SCARA5: variants seen among roughly 807,000 people sequenced by gnomAD.
SCARA5 encodes the protein scavenger receptor class A member 5.
Under a neutral mutation model 46.3 loss-of-function variants are expected in SCARA5, and 45 were observed. The ratio of observed to expected loss-of-function variants is 0.97; its 90% CI spans 0.76 to 1.24. SCARA5 has a LOEUF of 1.24. SCARA5 is among the 50% of genes most tolerant of loss of function. SCARA5 has a pLI of 0.00. For synonymous variants in SCARA5, 333 were observed against 306.5 expected, an observed-to-expected ratio of 1.09 and a Z score of -0.90; for missense variants, 680 against 689.0, an observed-to-expected ratio of 0.99 and a Z score of 0.15.
chr8:27,951,286 C>T (rs555493313), intron 3 of SCARA5, among the ~76,000 whole-genome samples: 11 of 152,346 alleles, frequency 7.2e-5, no homozygotes, highest in African/African-American at 2.6e-4. Flanking sequence ...AAGAGCTGTG[C>T]TGAGTGGAGC....
At chr8:27,926,903 T>C (rs938586457) in intron 3 of SCARA5, among the ~76,000 whole-genome samples, 2 of 152,204 alleles carry the variant, frequency 1.3e-5, no homozygotes, top group African/African-American at 2.4e-5. Flanking sequence ...TCTCTTCTCA[T>C]GATGTCCCTG....
chr8:27,898,203 C>G (rs919540976), intron 7 of SCARA5, among the ~76,000 whole-genome samples: 1 of 152,176 alleles, frequency 6.6e-6, no homozygotes, highest in Non-Finnish European at 1.5e-5. Context: ...GCCATCAAAC[C>G]ACTCACAGCA....
chr8:27,932,308 G>A (rs139443271), intron 3 of SCARA5, among the ~76,000 whole-genome samples: 1 of 152,258 alleles, frequency 6.6e-6, no homozygotes, highest in Non-Finnish European at 1.5e-5. Context: ...GCTGTGCATG[G>A]AGCCCTGCAA....
chr8:27,975,947 T>C (rs1256248168), intron 2 of SCARA5, among the ~76,000 whole-genome samples: 1 of 152,222 alleles, frequency 6.6e-6, no homozygotes, highest in Non-Finnish European at 1.5e-5. Flanking sequence ...ACAGATTCTC[T>C]CAGTACTTTC....
At chr8:27,888,038 C>T (rs1265070232) in intron 7 of SCARA5, among the ~76,000 whole-genome samples, 2 of 152,068 alleles carry the variant, frequency 1.3e-5, no homozygotes, top group Non-Finnish European at 2.9e-5. Context: ...TGAGGGGAAA[C>T]TGAGGCCTGA....
At position 27,909,680 on chromosome 8, in the gene SCARA5, C is replaced by G. The variant is rs1354486540; in HGVS notation, c.980G>C (p.Gly327Ala). The G allele has an allele frequency of 6.4e-7, 1 of 1,551,168 alleles. No homozygotes were observed. Among genetic ancestry groups the G allele is most frequent in the Non-Finnish European group, 8.7e-7 (1 of 1,146,670 alleles). ...CTCATTACCTCGAAGTCCAGGCAAT[C>G]CAGGGATGCCAGGCCTGCCTTCCTT... is the stretch of plus-strand genomic sequence containing the variant. ...EGKEGRPGIPGLPGLRGLPGE... is the reference protein window; with the variant it reads ...EGKEGRPGIPALPGLRGLPGE... Residue 327 changes from glycine to alanine, a missense_variant, in exon 5 of 9, where the codon GGA (glycine) becomes GCA (alanine). Gly to Ala is a moderately conservative substitution (Grantham distance 60). This residue lies in a region of SCARA5 where 219 missense variants were observed against 269.5 expected (regional missense o/e 0.81). Coordinates refer to ENST00000354914, the MANE Select transcript of SCARA5 (RefSeq NM_173833.6).
In SCARA5 at chr8:27,871,390, CTCT is replaced by C; in HGVS notation, c.*541_*543del. 5.1e-6 allele frequency: 5 copies of C among 983,482 alleles called. No homozygotes were observed. Among genetic ancestry groups the C allele is most frequent in the Non-Finnish European group, 6.0e-6 (5 of 827,516 alleles). 60.9% of individuals were successfully genotyped at this position (983,482 alleles called of 1,614,324 possible). A position where few individuals can be genotyped will look rare whatever the true frequency, so the allele number is the denominator to read the frequency against. On this transcript the variant is annotated 3_prime_UTR_variant, in exon 9 of 9. Transcript: ENST00000354914. Reference sequence around the variant, plus strand: ...CTCTTGCCCCTACAGCTGGCTTCTCCTCTATGTCACTTCCTCAAACTAGCAAAT... The same window carrying C: ...CTCTTGCCCCTACAGCTGGCTTCTCCATGTCACTTCCTCAAACTAGCAAAT...
At chr8:27,969,960 C>A (rs1281931471) in intron 2 of SCARA5, among the ~76,000 whole-genome samples, 2 of 152,184 alleles carry the variant, frequency 1.3e-5, no homozygotes, top group African/African-American at 4.8e-5. Flanking sequence ...ATAGCCCCCA[C>A]GATCCCAGCA....
At chr8:27,876,345 C>T (rs1806723266) in intron 8 of SCARA5, among the ~76,000 whole-genome samples, 1 of 152,196 alleles carries the variant, frequency 6.6e-6, no homozygotes, top group Non-Finnish European at 1.5e-5. Flanking sequence ...CACTGCTCTA[C>T]CTGCTAATCT....
chr8:27,983,790 G>A (rs979145046), intron 2 of SCARA5, among the ~76,000 whole-genome samples: 10 of 152,228 alleles, frequency 6.6e-5, no homozygotes, highest in East Asian at 3.9e-4. Flanking sequence ...GACCGGACCC[G>A]GGACTCAGCA....
intron 3 of SCARA5, among the ~76,000 whole-genome samples, chr8:27,924,239 C>T (rs1226842004): frequency 6.6e-6 from 1 of 152,202 alleles, no homozygotes; most frequent in Non-Finnish European, 1.5e-5. Context: ...GAACAAATTC[C>T]ACCTTGAAAA....
intron 7 of SCARA5, among the ~76,000 whole-genome samples, chr8:27,896,162 CAGG>C (rs1434900338): frequency 6.6e-6 from 1 of 152,174 alleles, no homozygotes; most frequent in Non-Finnish European, 1.5e-5. Flanking sequence ...GCTGGAGAGC[CAGG>C]AGAAGACAGT....
chr8:27,930,650 C>T (rs1807756067), intron 3 of SCARA5, among the ~76,000 whole-genome samples: 2 of 152,162 alleles, frequency 1.3e-5, no homozygotes. Flanking sequence ...GATCCGCCCC[C>T]CTCGGCCACC....
chr8:27,958,211 G>A lies in SCARA5; in HGVS notation c.241+8203C>T, dbSNP rs575578911. ...CTGTCTCTGCCCCCAACTTCTACCCGGCTCAGGCGTGGTCAGAGGCATCAC... is the reference window on the plus strand; with the variant it reads ...CTGTCTCTGCCCCCAACTTCTACCCAGCTCAGGCGTGGTCAGAGGCATCAC... On this transcript the variant is annotated intron_variant, in intron 3 of 8. Coordinates refer to ENST00000354914, the MANE Select transcript of SCARA5 (RefSeq NM_173833.6). 9.9e-5 allele frequency among the ~76,000 whole-genome samples: 15 copies of A among 152,234 alleles called. No homozygotes were observed. In the South Asian group the frequency reaches 1.0e-3, roughly 11 times the overall value.
chr8:27,967,921 A>T (rs1413671986), intron 2 of SCARA5, among the ~76,000 whole-genome samples: 1 of 152,152 alleles, frequency 6.6e-6, no homozygotes, highest in Admixed American at 6.5e-5. Context: ...AGGAAAGGAA[A>T]GGAAAAAGGA....
At chr8:27,967,201 T>C (rs568059364) in intron 2 of SCARA5, among the ~76,000 whole-genome samples, 3 of 152,360 alleles carry the variant, frequency 2.0e-5, no homozygotes, top group African/African-American at 7.2e-5. Context: ...CTAGAAAACA[T>C]GGTAACCTCA....
chr8:27,882,628 A>G (rs1025154997), intron 7 of SCARA5, among the ~76,000 whole-genome samples: 1 of 152,218 alleles, frequency 6.6e-6, no homozygotes, highest in Non-Finnish European at 1.5e-5. Flanking sequence ...TTTAAGCCAG[A>G]GAGAGCCAGT....
In SCARA5 at chr8:27,869,958, C is replaced by A. The variant is rs1806608835; in HGVS notation, c.*1976G>T. 6.6e-6 allele frequency: 1 copy of A among 152,236 alleles called. No individual in the cohort carries two copies. The highest frequency in any genetic ancestry group is 6.5e-5 in the Admixed American group (1 of 15,292). The allele number at this position is 152,236 out of a possible 1,614,324, so 9.4% of individuals were successfully genotyped here. A position where few individuals can be genotyped will look rare whatever the true frequency, so the allele number is the denominator to read the frequency against. On this transcript the variant is annotated 3_prime_UTR_variant, in exon 9 of 9. Coordinates refer to ENST00000354914, the MANE Select transcript of SCARA5 (RefSeq NM_173833.6). ...TGTATTTTAGGCCAGGCCTAATTTG[C>A]TTTGGTCCCTGAAATGCAGGCCCAT...
At chr8:27,932,359 T>C (rs1383573460) in intron 3 of SCARA5, among the ~76,000 whole-genome samples, 1 of 152,204 alleles carries the variant, frequency 6.6e-6, no homozygotes, top group Non-Finnish European at 1.5e-5. Flanking sequence ...CTACTGTCGA[T>C]CTTCTGTGAC....
Sources: gnomAD v4.1 joint callset for allele counts (sites outside exome capture counted in the v4.1 genomes callset) on GRCh38, gnomAD v4.1.1 for gene constraint, gnomAD v4.1.1 regional missense constraint, MANE v1.5 for transcripts, NCBI Gene and HGNC (gene_info 2026-07-23, HGNC 2026-07-21) for gene names.